The following CD38 variants were observed in gnomAD, a reference collection of about 807,000 sequenced individuals.
CD38 encodes CD38 molecule.
A neutral mutation model predicts 36.3 loss-of-function variants in CD38; 31 were observed. The ratio of observed to expected loss-of-function variants is 0.85; its 90% CI spans 0.64 to 1.15. The LOEUF (loss-of-function observed/expected upper bound fraction) is 1.15. Ranked by LOEUF, CD38 falls within the 50% of genes most tolerant of loss-of-function variation. CD38 has a pLI of 0.00. For synonymous variants in CD38, 131 were observed against 135.2 expected (o/e 0.97, Z 0.22); for missense variants, 380 against 371.9 (o/e 1.02, Z -0.18).
intron 2 of CD38, among the ~76,000 whole-genome samples, chr4:15,822,625 AG>A (rs1264466313): frequency 6.6e-6 from 1 of 152,176 alleles, no homozygotes; most frequent in Non-Finnish European, 1.5e-5. Context: ...ACAGCAAACA[AG>A]GGAAGTGAAG....
chr4:15,779,555 C>T (rs78585552), intron 1 of CD38, among the ~76,000 whole-genome samples: 3,310 of 152,210 alleles, frequency 0.022, 63 homozygotes, highest in Non-Finnish European at 0.032. Context: ...TAGCAAAATC[C>T]CGCATTTAAG....
At chr4:15,818,175 C>T (rs77637379) in intron 2 of CD38, among the ~76,000 whole-genome samples, 1 of 151,352 alleles carries the variant, frequency 6.6e-6, no homozygotes, top group African/African-American at 2.4e-5. Context: ...GGGGGAGGGG[C>T]GTCCGCCATT....
chr4:15,794,676 C>T (rs1481799330), intron 1 of CD38, among the ~76,000 whole-genome samples: 1 of 152,084 alleles, frequency 6.6e-6, no homozygotes, highest in African/African-American at 2.4e-5. Flanking sequence ...TTGTTGTGCA[C>T]AGACAACTCT....
chr4:15,787,977 G>A (rs1385679704), intron 1 of CD38, among the ~76,000 whole-genome samples: 1 of 152,166 alleles, frequency 6.6e-6, no homozygotes, highest in Non-Finnish European at 1.5e-5. Context: ...ACATTCCCTT[G>A]TACCCACTCC....
intron 1 of CD38, among the ~76,000 whole-genome samples, chr4:15,788,793 C>T (rs896528068): frequency 6.6e-6 from 1 of 152,170 alleles, no homozygotes; most frequent in Non-Finnish European, 1.5e-5. Context: ...GATTGATTTA[C>T]TCATTTATGA....
At chr4:15,834,494 G>T (rs373954012) in intron 4 of CD38, among the ~76,000 whole-genome samples, 192 bp downstream of exon 4, 4 of 152,200 alleles carry the variant, frequency 2.6e-5, no homozygotes, top group Non-Finnish European at 2.9e-5. Flanking sequence ...AACATTCTTA[G>T]AGGGTCCATG....
intron 1 of CD38, among the ~76,000 whole-genome samples, chr4:15,789,297 A>C (rs1411050471): frequency 2.6e-5 from 4 of 152,262 alleles, no homozygotes; most frequent in African/African-American, 9.6e-5. Context: ...TAGGGGAGAC[A>C]GACATTGAAA....
chr4:15,824,931 C>G lies in CD38; in HGVS notation c.414C>G (p.Val138=). 1.2e-6 allele frequency: 2 copies of G among 1,613,762 alleles called. No homozygotes were observed. The highest frequency in any genetic ancestry group is 4.5e-5 in the East Asian group (2 of 44,882). ...IKDLAHQFTQ[V]QRDMFTLEDT... is the part of the protein sequence containing the mutation. ...ATCTGGCCCATCAGTTCACACAGGT[C>G]CAGCGGGACATGTTCACCCTGGAGG... The change falls in exon 3 of 8, where the codon GTC becomes GTG. Residue 138 remains valine (V), a synonymous_variant. Coordinates refer to ENST00000226279, the MANE Select transcript of CD38 (RefSeq NM_001775.4).
chr4:15,839,424 T>TC (rs1344501104), intron 5 of CD38, among the ~76,000 whole-genome samples: 5 of 135,784 alleles, frequency 3.7e-5, no homozygotes. Context: ...TCTTTTTTTT[T>TC]TTTTTTTTTT....
intron 4 of CD38, among the ~76,000 whole-genome samples, chr4:15,834,904 A>ATTT (rs758827647): frequency 0.058 from 8,858 of 152,132 alleles, 337 homozygotes; most frequent in East Asian, 0.17. Flanking sequence ...ATTTTTTTTA[A>ATTT]AAAAATTGAT....
chr4:15,795,809 T>TGGTCTTTG (rs2148917233), intron 1 of CD38, among the ~76,000 whole-genome samples: 1 of 152,266 alleles, frequency 6.6e-6, no homozygotes, highest in East Asian at 1.9e-4. Flanking sequence ...TCTACATTTT[T>TGGTCTTTG]GGTCTTTGGA....
At chr4:15,818,717 A>G (rs982551814) in intron 2 of CD38, among the ~76,000 whole-genome samples, 1 of 152,118 alleles carries the variant, frequency 6.6e-6, no homozygotes, top group African/African-American at 2.4e-5. Flanking sequence ...GTGCGGGAGG[A>G]ACCCAGGTGA....
At chr4:15,817,874 C>T (rs986060108) in intron 2 of CD38, among the ~76,000 whole-genome samples, 2 of 152,132 alleles carry the variant, frequency 1.3e-5, no homozygotes, top group African/African-American at 4.8e-5. Flanking sequence ...GATCAGGTTT[C>T]CTCGTGTGTC....
At chr4:15,797,725 T>A (rs1432369423) in intron 1 of CD38, among the ~76,000 whole-genome samples, 5 of 152,190 alleles carry the variant, frequency 3.3e-5, no homozygotes, top group African/African-American at 1.2e-4. Flanking sequence ...TCTAGTAACC[T>A]CAGGTGTTCC....
At chr4:15,815,545 C>T (rs536766177) in intron 1 of CD38, among the ~76,000 whole-genome samples, 4 of 152,102 alleles carry the variant, frequency 2.6e-5, no homozygotes, top group East Asian at 1.9e-4. Context: ...GGAGTTCACT[C>T]GTGATTTGGC....
In CD38 at chr4:15,790,367, G is replaced by A. The variant is rs1304941294; in HGVS notation, c.233+11720G>A. On this transcript the variant is annotated intron_variant, in intron 1 of 7. Transcript: ENST00000226279. ...TTCGTTTTTTTTTTTTGGTGGAGAC[G>A]GGGTTTTGCTGTGTTGGCCGGGCTG... Among the ~76,000 whole-genome samples, 54 of 151,572 alleles carry A rather than the reference G, an allele frequency of 3.6e-4. 1 individual carries two copies. The highest frequency in any genetic ancestry group is 8.5e-4 in the African/African-American group (35 of 41,382).
At chr4:15,831,549 T>C (rs748749812) in intron 3 of CD38, among the ~76,000 whole-genome samples, 10 of 152,050 alleles carry the variant, frequency 6.6e-5, no homozygotes, top group Non-Finnish European at 1.5e-4. Context: ...TCACCAGATA[T>C]ACTATTCTAG....
intron 1 of CD38, among the ~76,000 whole-genome samples, chr4:15,812,970 C>T (rs192630066): frequency 2.2e-4 from 34 of 152,234 alleles, no homozygotes; most frequent in African/African-American, 7.2e-4. Context: ...GATTTTGTAA[C>T]CTGAAACCTT....
chr4:15,832,066 C>T (rs1373329299), intron 3 of CD38, among the ~76,000 whole-genome samples: 1 of 152,052 alleles, frequency 6.6e-6, no homozygotes, highest in Non-Finnish European at 1.5e-5. Context: ...TTGATCAGTT[C>T]TGCTATAAAA....
Sources: gnomAD v4.1 joint callset for allele counts (sites outside exome capture counted in the v4.1 genomes callset) on GRCh38, gnomAD v4.1.1 for gene constraint, MANE v1.5 for transcripts, NCBI Gene and HGNC (gene_info 2026-07-23, HGNC 2026-07-21) for gene names.